The following PDE4B variants were observed in gnomAD, a reference collection of about 807,000 sequenced individuals.
PDE4B encodes phosphodiesterase 4B.
PDE4B carries 20 observed loss-of-function variants against 82.2 expected under a neutral mutation model. The ratio of observed to expected loss-of-function variants is 0.24; its 90% CI spans 0.17 to 0.35. The LOEUF (loss-of-function observed/expected upper bound fraction) is 0.35. Among genes scored for constraint, PDE4B ranks in the 10% least tolerant of loss-of-function variants. The pLI is 1.00. For synonymous variants in PDE4B, 320 were observed against 318.9 expected, an observed-to-expected ratio of 1.00 and a Z score of -0.04; for missense variants, 655 against 907.2, an observed-to-expected ratio of 0.72 and a Z score of 3.57.
At chr1:66,334,035 A>G (rs551238953) in intron 8 of PDE4B, among the ~76,000 whole-genome samples, 13 of 152,316 alleles carry the variant, frequency 8.5e-5, no homozygotes, top group South Asian at 6.2e-4. Context: ...AACTTCTCCA[A>G]ATCACACTGG....
At chr1:66,333,496 T>G (rs533544179) in intron 8 of PDE4B, among the ~76,000 whole-genome samples, 2 of 152,148 alleles carry the variant, frequency 1.3e-5, no homozygotes, top group East Asian at 3.9e-4. Flanking sequence ...ATACACTTTG[T>G]TAAAAAGCCT....
intron 7 of PDE4B, among the ~76,000 whole-genome samples, chr1:66,323,952 T>C (rs917407461): frequency 6.6e-6 from 1 of 152,214 alleles, no homozygotes; most frequent in African/African-American, 2.4e-5. Context: ...TGGTCTTCAA[T>C]ACCAATACAG....
intron 3 of PDE4B, among the ~76,000 whole-genome samples, chr1:66,195,335 C>CA (rs1301903296): frequency 6.6e-6 from 1 of 152,108 alleles, no homozygotes; most frequent in Non-Finnish European, 1.5e-5. Flanking sequence ...CTTTGACTGA[C>CA]AATAGCACCC....
At chr1:65,869,411 T>A (rs1164159446) in intron 1 of PDE4B, among the ~76,000 whole-genome samples, 1 of 152,216 alleles carries the variant, frequency 6.6e-6, no homozygotes, top group Non-Finnish European at 1.5e-5. Context: ...GATTTTGAAC[T>A]AATATTGTTG....
intron 3 of PDE4B, among the ~76,000 whole-genome samples, chr1:66,083,812 C>A (rs1656865643): frequency 6.6e-6 from 1 of 152,154 alleles, no homozygotes; most frequent in Non-Finnish European, 1.5e-5. Flanking sequence ...TTGTTAAACT[C>A]CTGAAATGCT....
chr1:66,116,822 C>T (rs374531389), intron 3 of PDE4B, among the ~76,000 whole-genome samples: 22 of 152,184 alleles, frequency 1.4e-4, no homozygotes, highest in African/African-American at 5.1e-4. Flanking sequence ...TCCTCGGCCT[C>T]CCAAATTGCT....
At chr1:66,186,423 G>C (rs557246086) in intron 3 of PDE4B, among the ~76,000 whole-genome samples, 13 of 152,238 alleles carry the variant, frequency 8.5e-5, no homozygotes, top group African/African-American at 3.1e-4. Flanking sequence ...AATCACCTTG[G>C]GCAGTATGGC....
intron 3 of PDE4B, among the ~76,000 whole-genome samples, chr1:66,097,483 A>G (rs1344231129): frequency 6.6e-6 from 1 of 152,058 alleles, no homozygotes; most frequent in Non-Finnish European, 1.5e-5. Flanking sequence ...GAAAGGGTGA[A>G]GTTATTTATA....
intron 3 of PDE4B, among the ~76,000 whole-genome samples, chr1:65,923,451 C>G (rs182762744): frequency 2.6e-5 from 4 of 152,182 alleles, no homozygotes; most frequent in African/African-American, 9.7e-5. Flanking sequence ...TTATTTCTCT[C>G]TCTCTGTATA....
chr1:65,892,163 T>A (rs2100389186), intron 1 of PDE4B, among the ~76,000 whole-genome samples: 1 of 152,230 alleles, frequency 6.6e-6, no homozygotes, highest in East Asian at 1.9e-4. Context: ...CTTTATTTTA[T>A]AATCCTCTAA....
intron 1 of PDE4B, among the ~76,000 whole-genome samples, chr1:65,823,859 C>G (rs1191647739): frequency 6.6e-6 from 1 of 152,172 alleles, no homozygotes; most frequent in Non-Finnish European, 1.5e-5. Flanking sequence ...CCATGCCTGG[C>G]CACCCATGAG....
chr1:66,066,411 A>T (rs1570135095), intron 3 of PDE4B, among the ~76,000 whole-genome samples: 1 of 151,844 alleles, frequency 6.6e-6, no homozygotes, highest in Non-Finnish European at 1.5e-5. Context: ...GTGTTCAAAG[A>T]TAAGTTATTT....
intron 3 of PDE4B, among the ~76,000 whole-genome samples, chr1:66,222,493 C>T (rs868318506): frequency 1.3e-5 from 2 of 152,308 alleles, no homozygotes; most frequent in East Asian, 1.9e-4. Context: ...TGAGGCCTAG[C>T]GTTCAGAGCA....
chr1:65,924,695 G>C (rs1408337483), intron 3 of PDE4B, among the ~76,000 whole-genome samples: 1 of 152,188 alleles, frequency 6.6e-6, no homozygotes. Context: ...ATGCATATGG[G>C]TGGAAAGGTG....
At chr1:66,361,372 C>A (rs7528527) in intron 9 of PDE4B, among the ~76,000 whole-genome samples, 5,316 of 152,184 alleles carry the variant, frequency 0.035, 299 homozygotes, top group African/African-American at 0.12. Flanking sequence ...CAAGTTACTT[C>A]GTTCCTCTGG....
At chr1:65,980,207 C>A (rs186814145) in intron 3 of PDE4B, among the ~76,000 whole-genome samples, 2 of 152,220 alleles carry the variant, frequency 1.3e-5, no homozygotes, top group Admixed American at 1.3e-4. Context: ...AAAACCATCA[C>A]CACTTTTAAA....
intron 3 of PDE4B, among the ~76,000 whole-genome samples, chr1:66,123,544 C>A (rs1258565464): frequency 2.7e-5 from 4 of 150,612 alleles, no homozygotes; most frequent in African/African-American, 9.8e-5. Flanking sequence ...CTCCCTCTCT[C>A]CCTCCCTCCT....
At chr1:65,941,892 A>G (rs992759465) in intron 3 of PDE4B, among the ~76,000 whole-genome samples, 10 of 151,740 alleles carry the variant, frequency 6.6e-5, no homozygotes, top group African/African-American at 2.4e-4. Flanking sequence ...CATTGCCTCA[A>G]TCCACAATCT....
chr1:65,818,429 CTG>C, intron 1 of PDE4B, among the ~76,000 whole-genome samples: 1 of 152,122 alleles, frequency 6.6e-6, no homozygotes, highest in Middle Eastern at 3.4e-3. Flanking sequence ...GTCCCTGTCT[CTG>C]GAGAAAATTT....
Sources: gnomAD v4.1 joint callset for allele counts (sites outside exome capture counted in the v4.1 genomes callset) on GRCh38, gnomAD v4.1.1 for gene constraint, MANE v1.5 for transcripts, NCBI Gene and HGNC (gene_info 2026-07-23, HGNC 2026-07-21) for gene names.